Variants in GRIN2B observed in about 807,000 individuals in gnomAD.
GRIN2B encodes glutamate ionotropic receptor NMDA type subunit 2B.
Under a neutral mutation model 114.5 loss-of-function variants are expected in GRIN2B, and 5 were observed. The observed-to-expected ratio is 0.04, with a 90% CI of 0.02 to 0.09. GRIN2B has a LOEUF of 0.09. Among genes scored for constraint, GRIN2B ranks in the 10% least tolerant of loss-of-function variants. The pLI is 1.00. For missense variants in GRIN2B, 1,108 were observed against 1,943.5 expected, an observed-to-expected ratio of 0.57 and a Z score of 8.08; for synonymous variants, 787 against 745.1, an observed-to-expected ratio of 1.06 and a Z score of -0.92.
rs1469270085 is a variant in GRIN2B at position 13,538,606 on chromosome 12, G to C, written c.*24177C>G. On this transcript the variant is annotated 3_prime_UTR_variant, in exon 14 of 14. Transcript: ENST00000609686. ...GAGGCAGGCAGATCACTTGAACCCAGGAGTTCAGAATCAGCCTGGACAACA... is the reference window on the plus strand; with the variant it reads ...GAGGCAGGCAGATCACTTGAACCCACGAGTTCAGAATCAGCCTGGACAACA... 1 of 152,112 alleles carries C rather than the reference G, an allele frequency of 6.6e-6. No individual in the cohort carries two copies. The highest frequency in any genetic ancestry group is 1.5e-5 in the Non-Finnish European group (1 of 68,058). The allele number at this position is 152,112 out of a possible 1,614,324, so 9.4% of individuals were successfully genotyped here. A position where few individuals can be genotyped will look rare whatever the true frequency, so the allele number is the denominator to read the frequency against.
intron 2 of GRIN2B, among the ~76,000 whole-genome samples, chr12:13,970,222 G>A (rs912533174): frequency 6.6e-6 from 1 of 152,150 alleles, no homozygotes; most frequent in Non-Finnish European, 1.5e-5. Context: ...TGAAAGGAAG[G>A]GCAATAGCAT....
chr12:13,896,102 A>G (rs1866347553), intron 2 of GRIN2B, among the ~76,000 whole-genome samples: 1 of 152,228 alleles, frequency 6.6e-6, no homozygotes, highest in African/African-American at 2.4e-5. Flanking sequence ...TAGAAAATAA[A>G]GTACACAAAC....
intron 10 of GRIN2B, among the ~76,000 whole-genome samples, chr12:13,585,241 G>C (rs1310243282): frequency 2.0e-5 from 3 of 152,166 alleles, no homozygotes; most frequent in African/African-American, 7.2e-5. Flanking sequence ...GAGTCATGAA[G>C]CTGGGGTGGG....
At chr12:13,666,394 T>C (rs1949976076) in intron 5 of GRIN2B, among the ~76,000 whole-genome samples, 2 of 151,998 alleles carry the variant, frequency 1.3e-5, no homozygotes, top group Non-Finnish European at 2.9e-5. Flanking sequence ...GTAGAAAAGC[T>C]CCTAAGCAAG....
chr12:13,710,385 T>C (rs1030074699), intron 4 of GRIN2B, among the ~76,000 whole-genome samples: 1 of 151,934 alleles, frequency 6.6e-6, no homozygotes, highest in African/African-American at 2.4e-5. Flanking sequence ...CCAGGGCAAT[T>C]AGGCAGGAGA....
intron 3 of GRIN2B, among the ~76,000 whole-genome samples, chr12:13,823,144 T>C (rs1300538864): frequency 4.6e-5 from 7 of 152,070 alleles, no homozygotes; most frequent in Admixed American, 4.6e-4. Context: ...TTGACTATTC[T>C]AGGTCCTTTG....
At chr12:13,846,529 T>C (rs1409491112) in intron 3 of GRIN2B, among the ~76,000 whole-genome samples, 2 of 152,244 alleles carry the variant, frequency 1.3e-5, no homozygotes, top group Non-Finnish European at 1.5e-5. Context: ...CCAATCTTTT[T>C]CTTGTGTTGA....
intron 2 of GRIN2B, among the ~76,000 whole-genome samples, chr12:13,950,040 A>C (rs1867451474): frequency 6.6e-6 from 1 of 152,184 alleles, no homozygotes; most frequent in Non-Finnish European, 1.5e-5. Context: ...AGAAGAAAAA[A>C]TAAGAGACAA....
chr12:13,749,646 C>T (rs771337851), intron 4 of GRIN2B, among the ~76,000 whole-genome samples: 2 of 152,172 alleles, frequency 1.3e-5, no homozygotes, highest in Non-Finnish European at 2.9e-5. Flanking sequence ...AAAAGAGTGA[C>T]CCTAGTGAGA....
chr12:13,562,937 AG>A lies in GRIN2B; in HGVS notation c.4300del (p.Leu1434PhefsTer15). On this transcript the variant is annotated frameshift_variant, in exon 14 of 14. Coordinates refer to ENST00000609686, the MANE Select transcript of GRIN2B (RefSeq NM_000834.5). LOFTEE classifies it high-confidence loss of function. Reference sequence around the variant, plus strand: ...GAAACGGGCTGGCACGGCCCCATGAAGGGCCGAGACCACCGGCTTGTTGGTG... The same window carrying A: ...GAAACGGGCTGGCACGGCCCCATGAAGGCCGAGACCACCGGCTTGTTGGTG... ...LVTNKPVVSA[L>X]HGAVPARFQK... The A allele has an allele frequency of 6.2e-7, 1 of 1,614,210 alleles. No individual in the cohort carries two copies. Among genetic ancestry groups the A allele is most frequent in the Non-Finnish European group, 8.5e-7 (1 of 1,180,034 alleles).
In GRIN2B at chr12:13,562,732, G is replaced by T; in HGVS notation, c.*51C>A. 2.8e-6 allele frequency: 4 copies of T among 1,450,594 alleles called. No individual in the cohort carries two copies. The South Asian group carries it at 3.4e-5, about 12-fold the overall frequency. The allele number at this position is 1,450,594 out of a possible 1,614,324, so 89.9% of individuals were successfully genotyped here. A position where few individuals can be genotyped will look rare whatever the true frequency, so the allele number is the denominator to read the frequency against. On this transcript the variant is annotated 3_prime_UTR_variant, in exon 14 of 14. Transcript: ENST00000609686. ...ACCCTCCGTGACATGCGCATCACGC[G>T]ACCCACAGCCTTACCCTCCCGTACC...
chr12:13,784,114 T>C (rs1359691290), intron 3 of GRIN2B, among the ~76,000 whole-genome samples: 5 of 150,548 alleles, frequency 3.3e-5, no homozygotes, highest in Non-Finnish European at 7.4e-5. Context: ...GTCCCAGCTA[T>C]TCAGGAGGCT....
At chr12:13,691,999 G>A (rs867583603) in intron 4 of GRIN2B, among the ~76,000 whole-genome samples, 4 of 152,072 alleles carry the variant, frequency 2.6e-5, no homozygotes, top group South Asian at 2.1e-4. Context: ...CTAAAGTGTC[G>A]AGGCTGCCAA....
chr12:13,693,677 T>C (rs1010026590), intron 4 of GRIN2B, among the ~76,000 whole-genome samples: 1 of 152,164 alleles, frequency 6.6e-6, no homozygotes, highest in Admixed American at 6.5e-5. Context: ...GTATGCATTT[T>C]AAATCTCCCT....
intron 4 of GRIN2B, among the ~76,000 whole-genome samples, chr12:13,679,283 G>A (rs567070636): frequency 1.3e-5 from 2 of 152,218 alleles, no homozygotes; most frequent in Non-Finnish European, 2.9e-5. Context: ...AACATCAATG[G>A]AATAACTATA....
intron 4 of GRIN2B, among the ~76,000 whole-genome samples, chr12:13,718,835 A>G (rs150641550): frequency 8.5e-5 from 13 of 152,196 alleles, no homozygotes; most frequent in Non-Finnish European, 5.9e-5. Context: ...TCACGCTGTA[A>G]GTAGAAACAC....
intron 2 of GRIN2B, among the ~76,000 whole-genome samples, chr12:13,874,300 T>C (rs568083089): frequency 6.6e-6 from 1 of 152,374 alleles, no homozygotes; most frequent in East Asian, 1.9e-4. Flanking sequence ...TTTCCTGCTG[T>C]ATGCACAAAG....
intron 10 of GRIN2B, among the ~76,000 whole-genome samples, chr12:13,607,377 T>TATATA (rs1555110466): frequency 2.7e-4 from 7 of 26,222 alleles, no homozygotes; most frequent in Admixed American, 8.3e-4. Context: ...TTATATATTA[T>TATATA]ATATATAATA....
intron 5 of GRIN2B, among the ~76,000 whole-genome samples, chr12:13,654,575 A>G (rs559719072): frequency 1.3e-5 from 2 of 152,206 alleles, no homozygotes; most frequent in African/African-American, 2.4e-5. Context: ...GGCTCCCCCA[A>G]ACTGCTGGCT....
Sources: gnomAD v4.1 joint callset for allele counts (sites outside exome capture counted in the v4.1 genomes callset) on GRCh38, gnomAD v4.1.1 for gene constraint, MANE v1.5 for transcripts, NCBI Gene and HGNC (gene_info 2026-07-23, HGNC 2026-07-21) for gene names.